The following LAMA1 variants were observed in gnomAD, a reference collection of about 807,000 sequenced individuals.
LAMA1 encodes laminin subunit alpha 1, also known as laminin subunit alpha-1.
A neutral mutation model predicts 348.7 loss-of-function variants in LAMA1; 219 were observed. The observed-to-expected ratio is 0.63, with a 90% CI of 0.56 to 0.70. The LOEUF is 0.70. LAMA1 is among the 30% of genes least tolerant of loss of function. LAMA1 has a pLI of 0.00. For missense variants in LAMA1, 3,744 were observed against 3,888.0 expected (o/e 0.96, Z 0.99); for synonymous variants, 1,487 against 1,491.0 (o/e 1.00, Z 0.06).
intron 4 of LAMA1, among the ~76,000 whole-genome samples, chr18:7,050,045 A>G (rs1331878453): frequency 6.6e-6 from 1 of 152,162 alleles, no homozygotes; most frequent in Non-Finnish European, 1.5e-5. Context: ...ACTTCTCTGA[A>G]GCAAATTTAA....
rs1050709115 is a variant in LAMA1 at position 7,075,470 on chromosome 18, A to T, written c.345+4505T>A. Among the ~76,000 whole-genome samples the T allele has an allele frequency of 4.0e-4, 61 of 152,152 alleles. No individual in the cohort carries two copies. In the Middle Eastern group the frequency reaches 0.014, roughly 34 times the overall value. On this transcript the variant is annotated intron_variant, in intron 3 of 62. Transcript: ENST00000389658. ...AAACCCTGTCTCTACTAAAAATACA[A>T]AATTAGCCGGGCATGGTGGTGCATG...
At chr18:7,062,398 C>A (rs903024075) in intron 3 of LAMA1, among the ~76,000 whole-genome samples, 5 of 152,160 alleles carry the variant, frequency 3.3e-5, no homozygotes, top group Admixed American at 6.5e-5. Context: ...GGAAGGAGTG[C>A]AGAGATGGCA....
intron 33 of LAMA1, among the ~76,000 whole-genome samples, chr18:6,996,986 A>G (rs888829137): frequency 1.3e-5 from 2 of 152,172 alleles, no homozygotes; most frequent in Non-Finnish European, 2.9e-5. Flanking sequence ...AGTGCAGTGA[A>G]GAATAATACA....
rs776714085 is a variant in LAMA1, at chr18:6,995,415, T to C, written c.4838A>G (p.Asp1613Gly). Residue 1613 changes from aspartate to glycine, a missense_variant, in exon 34 of 63, where the codon GAC (aspartate) becomes GGC (glycine). This residue lies in a region of LAMA1 where 1,983 missense variants were observed against 1,934.3 expected (regional missense o/e 1.03). Coordinates refer to ENST00000389658, the MANE Select transcript of LAMA1 (RefSeq NM_005559.4). ...ACCTTCAAGCTTAATTTTTCCCAGG[T>C]CCTTTTGCATATTTTCTTTTAATAA... ...ESLLKENMQK[D>G]LGKIKLEGVA... is the part of the protein sequence containing the mutation. 2 of 1,611,294 alleles carry C rather than the reference T, an allele frequency of 1.2e-6. No individual in the cohort carries two copies. The highest frequency in any genetic ancestry group is 2.2e-5 in the South Asian group (2 of 91,012).
At chr18:7,106,692 C>G (rs894810570) in intron 1 of LAMA1, among the ~76,000 whole-genome samples, 6 of 151,954 alleles carry the variant, frequency 3.9e-5, no homozygotes, top group Non-Finnish European at 8.8e-5. Flanking sequence ...TGATATGACC[C>G]CCACCCCAGA....
intron 1 of LAMA1, among the ~76,000 whole-genome samples, chr18:7,109,897 C>T (rs1429535291): frequency 6.6e-6 from 1 of 152,090 alleles, no homozygotes; most frequent in Non-Finnish European, 1.5e-5. Flanking sequence ...AAAAAGCAGC[C>T]GGCTGGCCGG....
chr18:7,099,373 T>C (rs1255036266), intron 1 of LAMA1, among the ~76,000 whole-genome samples: 1 of 151,844 alleles, frequency 6.6e-6, no homozygotes, highest in African/African-American at 2.4e-5. Context: ...CAGAGACCTT[T>C]GTTCACTTGT....
chr18:6,999,069 C>T (rs939164652), intron 32 of LAMA1, among the ~76,000 whole-genome samples: 6 of 151,806 alleles, frequency 4.0e-5, no homozygotes, highest in African/African-American at 1.2e-4. Context: ...ATGATAGTCA[C>T]GAGTGGAAGC....
intron 46 of LAMA1, among the ~76,000 whole-genome samples, 157 bp downstream of exon 46, chr18:6,974,746 A>G (rs540707493): frequency 1.9e-4 from 29 of 152,242 alleles, no homozygotes; most frequent in East Asian, 1.2e-3. Flanking sequence ...CTGGCCACAA[A>G]TGCTTATTTC....
chr18:6,981,085 G>T (rs1293248995), intron 41 of LAMA1, among the ~76,000 whole-genome samples: 3 of 151,168 alleles, frequency 2.0e-5, no homozygotes, highest in African/African-American at 4.9e-5. Context: ...CCTGGGCGAC[G>T]GAGCGAGACT....
In LAMA1 at chr18:7,043,211, A is replaced by G. The variant is rs370227867; in HGVS notation, c.1155+16T>C. On this transcript the variant is annotated intron_variant, in intron 8 of 62. Transcript: ENST00000389658. ...GAAGATGATGAAGATCAGCAATGGC[A>G]AAGAAATACTCTTACTTTGTGTGGT... 1.9e-6 allele frequency: 3 copies of G among 1,613,796 alleles called. No individual in the cohort carries two copies. The highest frequency in any genetic ancestry group is 2.7e-5 in the African/African-American group (2 of 74,938).
At position 6,965,357 on chromosome 18, in the gene LAMA1, G is replaced by C. The variant is rs865926993; in HGVS notation, c.7126C>G (p.Leu2376Val). The change falls in exon 50 of 63, where the codon CTT (leucine) becomes GTT (valine). Residue 2376 changes from leucine (L) to valine (V), a missense_variant. Transcript: ENST00000389658. ...MTDLGSGPIT[L>V]LTDRRYNNGT... is the part of the protein sequence containing the mutation. ...TTGTTATAACGTCTGTCTGTCAAAA[G>C]GGTAATGGGTCCTGAACCCAGGTCA... is the stretch of plus-strand genomic sequence containing the variant. 3 of 1,614,176 alleles carry C rather than the reference G, an allele frequency of 1.9e-6. No individual in the cohort carries two copies. The highest frequency in any genetic ancestry group is 2.5e-6 in the Non-Finnish European group (3 of 1,180,026).
chr18:7,108,818 TTA>T (rs1491131420), intron 1 of LAMA1, among the ~76,000 whole-genome samples: 2 of 151,984 alleles, frequency 1.3e-5, no homozygotes, highest in Non-Finnish European at 2.9e-5. Flanking sequence ...TTGGAAAAAC[TTA>T]GTTTGTACAA....
intron 3 of LAMA1, among the ~76,000 whole-genome samples, chr18:7,063,444 G>A (rs1191576580): frequency 1.3e-5 from 2 of 152,078 alleles, no homozygotes; most frequent in African/African-American, 2.4e-5. Context: ...CAGTATGGTG[G>A]TCCCTCAAAA....
At chr18:7,035,423 T>TAA (rs72153059) in intron 13 of LAMA1, among the ~76,000 whole-genome samples, 36 of 149,314 alleles carry the variant, frequency 2.4e-4, no homozygotes, top group African/African-American at 9.2e-4. Flanking sequence ...CCTTTTTACT[T>TAA]AAAATTTTTT....
chr18:7,088,031 G>A (rs892987044), intron 1 of LAMA1, among the ~76,000 whole-genome samples: 1 of 152,140 alleles, frequency 6.6e-6, no homozygotes, highest in Admixed American at 6.5e-5. Flanking sequence ...TTTCTCTTAA[G>A]TTTTAGAAGA....
chr18:6,964,921 G>A lies in LAMA1; in HGVS notation c.7196-118C>T, dbSNP rs9951050. 12 of 1,157,314 alleles carry A rather than the reference G, an allele frequency of 1.0e-5. No homozygotes were observed. In the South Asian group the frequency reaches 1.0e-4, roughly 10 times the overall value. 71.7% of individuals were successfully genotyped at this position (1,157,314 alleles called of 1,614,324 possible). On this transcript the variant is annotated intron_variant, in intron 50 of 62. Transcript: ENST00000389658. The stretch of plus-strand genomic sequence containing the variant: ...AAATGCATATTCTTTTAGATTCTGC[G>A]AATTTGATCAGCTAATGTTCTTGGC...
chr18:6,964,633 C>T lies in LAMA1; in HGVS notation c.7337+29G>A, dbSNP rs9951413. On this transcript the variant is annotated intron_variant, in intron 51 of 62. Transcript: ENST00000389658. ...GCAAGCTAATAAAGTTGGAAATCAG[C>T]GACATGAAAATTCTGCAGTTTAATA... 5.3e-5 allele frequency: 85 copies of T among 1,613,434 alleles called. No homozygotes were observed. In the African/African-American group the frequency reaches 8.3e-4, roughly 16 times the overall value.
chr18:6,953,820 T>A (rs2057561543), intron 57 of LAMA1: 1 of 152,346 alleles, frequency 6.6e-6, no homozygotes, highest in African/African-American at 2.4e-5. Flanking sequence ...GCGGCATCTG[T>A]GTGCTGGTCT....
Sources: gnomAD v4.1 joint callset for allele counts (sites outside exome capture counted in the v4.1 genomes callset) on GRCh38, gnomAD v4.1.1 for gene constraint, gnomAD v4.1.1 regional missense constraint, MANE v1.5 for transcripts, NCBI Gene and HGNC (gene_info 2026-07-23, HGNC 2026-07-21) for gene names.